NUP210L: variants seen among roughly 807,000 people sequenced by gnomAD.
NUP210L encodes the protein nucleoporin 210 like.
Under a neutral mutation model 208.5 loss-of-function variants are expected in NUP210L, and 74 were observed. The observed-to-expected ratio is 0.35, with a 90% CI of 0.29 to 0.43. NUP210L has a LOEUF of 0.43. Among genes scored for constraint, NUP210L ranks in the 20% least tolerant of loss-of-function variants. The pLI, the probability that NUP210L is intolerant of heterozygous loss-of-function variation, is 1.00. For missense variants in NUP210L, 1,843 were observed against 2,289.4 expected (o/e 0.81, Z 3.98); for synonymous variants, 780 against 816.9 (o/e 0.95, Z 0.77).
intron 12 of NUP210L, among the ~76,000 whole-genome samples, chr1:154,106,904 A>G (rs1034854406): frequency 4.6e-5 from 7 of 152,208 alleles, no homozygotes; most frequent in Admixed American, 6.5e-5. Flanking sequence ...CCCAAGAAGG[A>G]TGGGTACAAA....
At chr1:153,992,880 C>T (rs765021444) in exon 40 of NUP210L, 5 of 1,612,948 alleles carry the variant, frequency 3.1e-6, no homozygotes, top group Non-Finnish European at 4.2e-6. Context: ...GACTTTGGGC[C>T]AATGGAGGTT....
At chr1:154,143,978 A>G (rs972365540) in intron 2 of NUP210L, among the ~76,000 whole-genome samples, 10 of 152,034 alleles carry the variant, frequency 6.6e-5, no homozygotes, top group Non-Finnish European at 1.2e-4. Flanking sequence ...TCAGGAGATC[A>G]AGACCATCCT....
At chr1:154,024,592 C>T (rs1052378178) in intron 30 of NUP210L, among the ~76,000 whole-genome samples, 1 of 151,958 alleles carries the variant, frequency 6.6e-6, no homozygotes, top group Non-Finnish European at 1.5e-5. Flanking sequence ...AGTTCAATTG[C>T]AGCACAAAGC....
At chr1:154,123,773 G>A (rs1657730504) in intron 10 of NUP210L, among the ~76,000 whole-genome samples, 2 of 151,962 alleles carry the variant, frequency 1.3e-5, no homozygotes, top group Non-Finnish European at 2.9e-5. Context: ...AGCTACTCGG[G>A]AGGCTGAGGC....
chr1:154,027,800 A>T (rs1229721960), intron 28 of NUP210L, among the ~76,000 whole-genome samples: 1 of 152,162 alleles, frequency 6.6e-6, no homozygotes, highest in East Asian at 1.9e-4. Flanking sequence ...ACGTAACTAG[A>T]TATTCTAGAA....
chr1:154,083,985 T>C (rs563096438), intron 16 of NUP210L, among the ~76,000 whole-genome samples: 2 of 151,142 alleles, frequency 1.3e-5, no homozygotes, highest in East Asian at 3.9e-4. Flanking sequence ...TTAGAGATGG[T>C]GGTAGTCTCA....
intron 16 of NUP210L, among the ~76,000 whole-genome samples, chr1:154,072,393 T>C (rs1054588286): frequency 5.9e-5 from 8 of 136,370 alleles, no homozygotes; most frequent in Admixed American, 2.7e-4. Flanking sequence ...AGTGCAGTGG[T>C]GAGATCTCGG....
At chr1:154,070,340 A>G in exon 17 of NUP210L, 1 of 1,613,476 alleles carries the variant, frequency 6.2e-7, no homozygotes, top group Non-Finnish European at 8.5e-7. Flanking sequence ...AATCTTCGAA[A>G]TGGGCTAGTG....
chr1:154,038,545 A>T (rs1652690886), intron 27 of NUP210L, among the ~76,000 whole-genome samples: 1 of 151,900 alleles, frequency 6.6e-6, no homozygotes, highest in South Asian at 2.1e-4. Flanking sequence ...GGGTTTCACC[A>T]TGTTGGTCAG....
intron 29 of NUP210L, among the ~76,000 whole-genome samples, chr1:154,026,793 C>G (rs1651898971): frequency 6.6e-6 from 1 of 151,922 alleles, no homozygotes; most frequent in Non-Finnish European, 1.5e-5. Flanking sequence ...TTAAAGAAGC[C>G]AACACAAGGC....
intron 14 of NUP210L, among the ~76,000 whole-genome samples, chr1:154,099,527 C>G (rs1323020991): frequency 6.6e-6 from 1 of 152,166 alleles, no homozygotes; most frequent in Non-Finnish European, 1.5e-5. Context: ...AATATAATGG[C>G]TTCTGTGCTT....
chr1:153,994,009 C>G (rs1489824868), intron 38 of NUP210L, among the ~76,000 whole-genome samples: 1 of 152,114 alleles, frequency 6.6e-6, no homozygotes, highest in Admixed American at 6.6e-5. Context: ...TCCCTAGTAG[C>G]TGGGACTAGA....
intron 27 of NUP210L, chr1:154,039,860 TTC>T (rs1652769625): frequency 6.6e-6 from 1 of 152,166 alleles, no homozygotes; most frequent in African/African-American, 2.4e-5. Context: ...GTTTGGGAAG[TTC>T]TCTGTTATTA....
At chr1:154,025,442 G>C (rs1651824110) in intron 30 of NUP210L, 100 bp downstream of exon 30, 1 of 639,650 alleles carries the variant, frequency 1.6e-6, no homozygotes, top group Non-Finnish European at 2.3e-6. Flanking sequence ...TTAATGGCAT[G>C]ATAAGAAAAT....
chr1:154,103,981 A>T, intron 13 of NUP210L, 31 bp downstream of exon 13: 1 of 1,508,894 alleles, frequency 6.6e-7, no homozygotes, highest in Non-Finnish European at 9.1e-7. Flanking sequence ...ATAAAGACAA[A>T]GGAAGGAGAA....
intron 12 of NUP210L, among the ~76,000 whole-genome samples, chr1:154,107,599 C>T (rs1656834949): frequency 6.6e-6 from 1 of 152,132 alleles, no homozygotes. Flanking sequence ...AGTGCAGTGG[C>T]TCACACCTGT....
intron 25 of NUP210L, among the ~76,000 whole-genome samples, chr1:154,053,393 T>A (rs934057801): frequency 6.6e-6 from 1 of 152,218 alleles, no homozygotes; most frequent in Admixed American, 6.5e-5. Context: ...TTGCTTTTAT[T>A]GTCTTGCAAA....
At chr1:154,071,439 C>T (rs1571236847) in intron 16 of NUP210L, among the ~76,000 whole-genome samples, 2 of 147,640 alleles carry the variant, frequency 1.4e-5, no homozygotes, top group East Asian at 4.1e-4. Context: ...TTATCTCTTA[C>T]CCCCCTCCAC....
chr1:154,027,192 C>T (rs1166873815), intron 29 of NUP210L, among the ~76,000 whole-genome samples: 1 of 150,614 alleles, frequency 6.6e-6, no homozygotes, highest in Non-Finnish European at 1.5e-5. Context: ...ACACAGAAAG[C>T]AGATTAGTGA....
Sources: allele counts gnomAD v4.1 joint callset (sites outside exome capture counted in the v4.1 genomes callset), GRCh38; gene constraint gnomAD v4.1.1; transcripts MANE v1.5; gene names NCBI Gene and HGNC (gene_info 2026-07-23, HGNC 2026-07-21).